Variants in ZNF578 observed in about 807,000 individuals in gnomAD.
ZNF578 encodes zinc finger protein 578.
A neutral mutation model predicts 8.3 loss-of-function variants in ZNF578; 8 were observed. The ratio of observed to expected loss-of-function variants is 0.96; its 90% confidence interval spans 0.56 to 1.74. The LOEUF is 1.74. ZNF578 is among the 40% of genes most tolerant of loss of function. The pLI is 0.00. For missense variants in ZNF578, 726 were observed against 707.5 expected, an observed-to-expected ratio of 1.03 and a Z score of -0.30; for synonymous variants, 206 against 232.2, an observed-to-expected ratio of 0.89 and a Z score of 1.03.
chr19:52,466,916 G>A (rs1011458712), intron 2 of ZNF578, among the ~76,000 whole-genome samples: 4 of 152,114 alleles, frequency 2.6e-5, no homozygotes, highest in Non-Finnish European at 5.9e-5. Flanking sequence ...TACATAATGT[G>A]TGCATATATA....
chr19:52,480,072 G>A (rs1270022936), intron 2 of ZNF578, among the ~76,000 whole-genome samples: 2 of 152,082 alleles, frequency 1.3e-5, no homozygotes, highest in Admixed American at 1.3e-4. Flanking sequence ...ACCATGCCCG[G>A]CAAATTTTTT....
chr19:52,511,874 T>G lies in ZNF578; in HGVS notation c.1493T>G (p.Leu498Arg), dbSNP rs1425664803. Residue 498 changes from leucine (L) to arginine (R), a missense_variant, in exon 6 of 6, where the codon CTT becomes CGT. Transcript: ENST00000421239. ...AAGACCTTCAGTCACAGGTCATCTC[T>G]TCCATGCCATCGTAGACTTCATAGT... ...CHKTFSHRSS[L>R]PCHRRLHSGE... The G allele has an allele frequency of 6.8e-6, 11 of 1,613,670 alleles. No homozygotes were observed. Among genetic ancestry groups the G allele is most frequent in the Non-Finnish European group, 8.5e-6 (10 of 1,179,896 alleles).
chr19:52,511,300 A>G lies in ZNF578; in HGVS notation c.919A>G (p.Arg307Gly). Residue 307 changes from arginine (R) to glycine (G), a missense_variant, in exon 6 of 6, where the codon AGA (arginine) becomes GGA (glycine). By Grantham distance (125) the Arg-to-Gly change is moderately radical (BLOSUM62 -2). Transcript: ENST00000421239. ...CAAGTCATCCCTGACATGCCATCGT[A>G]GATGTCACACTGGTGAGAAACCTTA... The part of the protein sequence containing the change: ...SYKSSLTCHR[R>G]CHTGEKPYKC... 1 of 1,614,106 alleles carries G rather than the reference A, an allele frequency of 6.2e-7. No individual in the cohort carries two copies. Among genetic ancestry groups the G allele is most frequent in the Non-Finnish European group, 8.5e-7 (1 of 1,180,000 alleles).
At chr19:52,480,724 C>T (rs769334313) in intron 2 of ZNF578, among the ~76,000 whole-genome samples, 6 of 151,748 alleles carry the variant, frequency 4.0e-5, no homozygotes, top group South Asian at 2.1e-4. Context: ...GGTGAAACCC[C>T]GTCTCTACCA....
intron 2 of ZNF578, among the ~76,000 whole-genome samples, chr19:52,481,303 T>C (rs6509647): frequency 0.58 from 87,957 of 151,992 alleles, 25,599 homozygotes; most frequent in East Asian, 0.68. Context: ...ATGGGTGCCA[T>C]GTTGCCGTGG....
chr19:52,507,533 C>G (rs1474645311), intron 5 of ZNF578, among the ~76,000 whole-genome samples: 1 of 152,070 alleles, frequency 6.6e-6, no homozygotes. Context: ...ATGACTCAGT[C>G]TCAAAAACAG....
chr19:52,491,653 TGCAGTGA>T (rs1453657608), intron 3 of ZNF578, among the ~76,000 whole-genome samples: 1 of 151,976 alleles, frequency 6.6e-6, no homozygotes, highest in Non-Finnish European at 1.5e-5. Flanking sequence ...AGGCAGAGGC[TGCAGTGA>T]GCCACGATCT....
At chr19:52,463,796 T>A (rs2059265937) in intron 2 of ZNF578, among the ~76,000 whole-genome samples, 1 of 152,160 alleles carries the variant, frequency 6.6e-6, no homozygotes, top group Admixed American at 6.5e-5. Context: ...TGGATAACTT[T>A]ATCACAAGGT....
intron 5 of ZNF578, among the ~76,000 whole-genome samples, chr19:52,505,473 C>T (rs2059422604): frequency 6.6e-6 from 1 of 152,064 alleles, no homozygotes; most frequent in Admixed American, 6.6e-5. Context: ...CCCAGGCCGA[C>T]TGCAGTGGCA....
chr19:52,468,719 G>A (rs757512413), intron 2 of ZNF578, among the ~76,000 whole-genome samples: 26 of 152,192 alleles, frequency 1.7e-4, no homozygotes, highest in African/African-American at 5.3e-4. Flanking sequence ...GGCACCATCC[G>A]ATTGGCTGCC....
chr19:52,488,260 T>G (rs2059352522), intron 2 of ZNF578, among the ~76,000 whole-genome samples: 1 of 151,906 alleles, frequency 6.6e-6, no homozygotes, highest in African/African-American at 2.4e-5. Flanking sequence ...CCATAGTAGT[T>G]TTTAAAAGGG....
chr19:52,473,225 G>A (rs1443684115), intron 2 of ZNF578: 1 of 152,788 alleles, frequency 6.5e-6, no homozygotes, highest in Non-Finnish European at 1.5e-5. Context: ...TGCCATACTC[G>A]GTTTGTAATG....
chr19:52,461,265 T>C (rs1461479009), intron 2 of ZNF578, among the ~76,000 whole-genome samples: 1 of 152,196 alleles, frequency 6.6e-6, no homozygotes, highest in Non-Finnish European at 1.5e-5. Flanking sequence ...TACGCAGAAA[T>C]CAGAAGTATT....
At chr19:52,498,375 A>G (rs2059394740) in intron 3 of ZNF578, among the ~76,000 whole-genome samples, 1 of 136,138 alleles carries the variant, frequency 7.3e-6, no homozygotes, top group African/African-American at 2.9e-5. Context: ...TCTGTCGCCC[A>G]GGAGGGAGTG....
rs2059389434 is a variant in ZNF578 at position 52,497,044 on chromosome 19, C to A, written c.-19-4783C>A. On this transcript the variant is annotated intron_variant, in intron 3 of 5. Transcript: ENST00000421239. ...ACCTCCTGGGCTCAAGTGATTTTCC[C>A]ACCTCAGCCTCCGGAGTAGCTGGGG... 2.0e-5 allele frequency among the ~76,000 whole-genome samples: 3 copies of A among 151,936 alleles called. No homozygotes were observed. The South Asian group carries it at 6.2e-4, about 32-fold the overall frequency.
chr19:52,504,386 C>T (rs1200453347), intron 4 of ZNF578, among the ~76,000 whole-genome samples: 1 of 152,132 alleles, frequency 6.6e-6, no homozygotes, highest in Non-Finnish European at 1.5e-5. Flanking sequence ...CCACCATGCC[C>T]AGCCCTGTGT....
rs1301466883 is a variant in ZNF578, at chr19:52,513,795, G to A, written c.*1641G>A. The stretch of plus-strand genomic sequence containing the variant: ...TCCCACAGCACTTTGGAAGACTGAA[G>A]TGAGTGGATCATCTAAGATCAGAGT... On this transcript the variant is annotated 3_prime_UTR_variant, in exon 6 of 6. Coordinates refer to ENST00000421239, the MANE Select transcript of ZNF578 (RefSeq NM_001099694.2). 6.6e-6 allele frequency among the ~76,000 whole-genome samples: 1 copy of A among 150,960 alleles called. No individual in the cohort carries two copies. The highest frequency in any genetic ancestry group is 2.4e-5 in the African/African-American group (1 of 41,104).
intron 4 of ZNF578, among the ~76,000 whole-genome samples, chr19:52,503,171 T>A (rs1360002371): frequency 1.3e-5 from 2 of 152,216 alleles, no homozygotes; most frequent in Non-Finnish European, 2.9e-5. Flanking sequence ...ATTAAAGGTG[T>A]GCACCACCAT....
In ZNF578 at chr19:52,486,919, A is replaced by G. The variant is rs555852686; in HGVS notation, c.-121-4405A>G. On this transcript the variant is annotated intron_variant, in intron 2 of 5. Coordinates refer to ENST00000421239, the MANE Select transcript of ZNF578 (RefSeq NM_001099694.2). ...GAGGGAAGAAAGGGATAAACGGCAG[A>G]AGAGGAGAGGGGCACAAAATGAAGA... is the stretch of plus-strand genomic sequence containing the variant. 5.9e-5 allele frequency among the ~76,000 whole-genome samples: 9 copies of G among 152,092 alleles called. No individual in the cohort carries two copies. In the East Asian group the frequency reaches 1.5e-3, roughly 26 times the overall value.
Sources: gnomAD v4.1 joint callset for allele counts (sites outside exome capture counted in the v4.1 genomes callset) on GRCh38, gnomAD v4.1.1 for gene constraint, MANE v1.5 for transcripts, NCBI Gene and HGNC (gene_info 2026-07-23, HGNC 2026-07-21) for gene names.